The following SLC4A5 variants were observed in gnomAD, a reference collection of about 807,000 sequenced individuals.
SLC4A5 encodes solute carrier family 4 member 5.
A neutral mutation model predicts 120.4 loss-of-function variants in SLC4A5; 96 were observed. The ratio of observed to expected loss-of-function variants is 0.80; its 90% CI spans 0.68 to 0.94. SLC4A5 has a LOEUF of 0.94. Among genes scored for constraint, SLC4A5 ranks in the 40% least tolerant of loss-of-function variants. SLC4A5 has a pLI of 0.00. For missense variants in SLC4A5, 1,259 were observed against 1,459.5 expected, an observed-to-expected ratio of 0.86 and a Z score of 2.24; for synonymous variants, 550 against 571.1, an observed-to-expected ratio of 0.96 and a Z score of 0.53.
At chr2:74,304,966 T>C (rs1376086253) in intron 6 of SLC4A5, among the ~76,000 whole-genome samples, 2 of 152,198 alleles carry the variant, frequency 1.3e-5, no homozygotes, top group Admixed American at 1.3e-4. Flanking sequence ...GATTACTGGA[T>C]ATGGCTTATG....
At chr2:74,237,791 T>G (rs1670314705) in intron 21 of SLC4A5, among the ~76,000 whole-genome samples, 1 of 152,034 alleles carries the variant, frequency 6.6e-6, no homozygotes, top group South Asian at 2.1e-4. Context: ...CACAAACAGG[T>G]AGAAAATAAA....
At chr2:74,332,733 G>C (rs558032572) in intron 4 of SLC4A5, among the ~76,000 whole-genome samples, 1 of 152,112 alleles carries the variant, frequency 6.6e-6, no homozygotes, top group South Asian at 2.1e-4. Flanking sequence ...GTGCGTGTGT[G>C]TGCGCATGTA....
intron 5 of SLC4A5, among the ~76,000 whole-genome samples, chr2:74,321,488 T>C (rs1470272684): frequency 6.6e-6 from 1 of 152,116 alleles, no homozygotes; most frequent in African/African-American, 2.4e-5. Context: ...ACAAATAACT[T>C]TGAGTATATG....
intron 5 of SLC4A5, among the ~76,000 whole-genome samples, chr2:74,324,932 G>T (rs1267365033): frequency 1.3e-5 from 2 of 152,178 alleles, no homozygotes; most frequent in Non-Finnish European, 2.9e-5. Context: ...AAGCTTGGAA[G>T]TTACTATTTT....
chr2:74,257,325 G>C (rs774929633), intron 12 of SLC4A5, among the ~76,000 whole-genome samples: 4 of 152,106 alleles, frequency 2.6e-5, no homozygotes, highest in Non-Finnish European at 5.9e-5. Flanking sequence ...AGAAAAAGCA[G>C]GAATTGACAG....
intron 10 of SLC4A5, among the ~76,000 whole-genome samples, chr2:74,262,724 G>C (rs1671181828): frequency 6.6e-6 from 1 of 151,972 alleles, no homozygotes; most frequent in South Asian, 2.1e-4. Flanking sequence ...AACAAGATTA[G>C]AGAGAATATC....
intron 27 of SLC4A5, among the ~76,000 whole-genome samples, chr2:74,226,177 G>A (rs1304445585): frequency 6.6e-6 from 1 of 152,126 alleles, no homozygotes; most frequent in Middle Eastern, 3.2e-3. Context: ...TGATTTTCAT[G>A]GGCAGCCCGG....
chr2:74,240,665 A>G (rs542503050), intron 20 of SLC4A5, among the ~76,000 whole-genome samples: 44 of 152,026 alleles, frequency 2.9e-4, no homozygotes, highest in African/African-American at 1.0e-3. Context: ...GCTACTCGAG[A>G]GGCTGAGGCA....
At chr2:74,270,766 C>T (rs1357210046) in intron 8 of SLC4A5, among the ~76,000 whole-genome samples, 1 of 152,210 alleles carries the variant, frequency 6.6e-6, no homozygotes, top group African/African-American at 2.4e-5. Context: ...TATCTGACTG[C>T]ACCCTGTGGG....
chr2:74,228,705 C>T (rs1014629169), intron 25 of SLC4A5, among the ~76,000 whole-genome samples: 6 of 139,888 alleles, frequency 4.3e-5, no homozygotes, highest in African/African-American at 5.1e-5. Flanking sequence ...ATGCCTCATA[C>T]GCAATCACAT....
chr2:74,229,195 C>T lies in SLC4A5; in HGVS notation c.2848-1317G>A, dbSNP rs1694970447. Among the ~76,000 whole-genome samples, 2 of 147,120 alleles carry T rather than the reference C, an allele frequency of 1.4e-5. 1 individual carries two copies. The highest frequency in any genetic ancestry group is 4.4e-4 in the South Asian group (2 of 4,502). On this transcript the variant is annotated intron_variant, in intron 25 of 30. Coordinates refer to ENST00000394019, the Ensembl canonical transcript of SLC4A5. ...AAGTGATCCTCCCACCTCGGCCTCC[C>T]AAAGTGTTAGGATTACAGACATGGG...
intron 9 of SLC4A5, 44 bp from the exon 10 acceptor site, chr2:74,264,343 G>A: frequency 6.3e-7 from 1 of 1,578,980 alleles, no homozygotes; most frequent in Non-Finnish European, 8.6e-7. Flanking sequence ...GGACAGAACA[G>A]CTCCAGGGTA....
At chr2:74,318,852 G>T (rs1488711679) in intron 5 of SLC4A5, among the ~76,000 whole-genome samples, 2 of 152,072 alleles carry the variant, frequency 1.3e-5, no homozygotes, top group African/African-American at 4.8e-5. Flanking sequence ...CCCACTGCTG[G>T]TATATGCCCA....
At chr2:74,239,428 G>A (rs1553452425) in exon 21 of SLC4A5, 1 of 1,614,206 alleles carries the variant, frequency 6.2e-7, no homozygotes, top group Non-Finnish European at 8.5e-7. Flanking sequence ...TGAGCGCCAG[G>A]TCTGGGATAA....
At chr2:74,301,896 T>G (rs544150896) in intron 7 of SLC4A5, among the ~76,000 whole-genome samples, 1 of 152,330 alleles carries the variant, frequency 6.6e-6, no homozygotes, top group East Asian at 1.9e-4. Flanking sequence ...GGGTCTGGAA[T>G]GTATTCTCAG....
intron 28 of SLC4A5, 82 bp from the exon 29 acceptor site, chr2:74,223,034 T>C: frequency 1.1e-6 from 1 of 912,498 alleles, no homozygotes; most frequent in East Asian, 2.7e-5. Flanking sequence ...AGACAGAGTC[T>C]CGCTCTACTG....
In SLC4A5 at chr2:74,233,548, G is replaced by A. The variant is rs779886780; in HGVS notation, c.2449C>T (p.Arg817Ter). 9.9e-6 allele frequency: 16 copies of A among 1,613,376 alleles called. No homozygotes were observed. The highest frequency in any genetic ancestry group is 6.6e-5 in the South Asian group (6 of 90,982). The stretch of plus-strand genomic sequence containing the variant: ...CCAAAGGGGGCCACGAACCAGCCTC[G>A]GTCAGGCCGCGTTGGCTGAGTGGGA... The change falls in exon 23 of 31, where the codon CGA (arginine) becomes TGA (stop). Residue 817 changes from arginine (R) to a stop codon, truncating the protein, a stop_gained. Transcript: ENST00000394019. LOFTEE classifies it high-confidence loss of function.
At chr2:74,228,805 C>G (rs904800561) in intron 25 of SLC4A5, among the ~76,000 whole-genome samples, 2 of 152,206 alleles carry the variant, frequency 1.3e-5, no homozygotes, top group African/African-American at 4.8e-5. Flanking sequence ...TCCCTCCAAA[C>G]TTGCACACAG....
At chr2:74,329,364 C>A (rs1244079476) in intron 4 of SLC4A5, among the ~76,000 whole-genome samples, 2 of 151,942 alleles carry the variant, frequency 1.3e-5, no homozygotes, top group South Asian at 4.2e-4. Context: ...CTGAGGCGGG[C>A]AGATCACCTG....
Sources: allele counts gnomAD v4.1 joint callset (sites outside exome capture counted in the v4.1 genomes callset), GRCh38; gene constraint gnomAD v4.1.1; transcripts MANE v1.5; gene names NCBI Gene and HGNC (gene_info 2026-07-23, HGNC 2026-07-21).